The following ETV6 variants were observed in gnomAD, a reference collection of about 807,000 sequenced individuals.
ETV6 encodes the protein transcription factor ETV6.
A neutral mutation model predicts 51.1 loss-of-function variants in ETV6; 16 were observed. The observed-to-expected ratio is 0.31, with a 90% CI of 0.21 to 0.48. The LOEUF (loss-of-function observed/expected upper bound fraction) is 0.48. ETV6 is among the 20% of genes least tolerant of loss of function. ETV6 has a pLI of 0.99. For synonymous variants in ETV6, 240 were observed against 224.1 expected, an observed-to-expected ratio of 1.07 and a Z score of -0.64; for missense variants, 458 against 594.8, an observed-to-expected ratio of 0.77 and a Z score of 2.39.
At chr12:11,820,019 T>C (rs973548934) in intron 2 of ETV6, among the ~76,000 whole-genome samples, 2 of 152,252 alleles carry the variant, frequency 1.3e-5, no homozygotes, top group Non-Finnish European at 2.9e-5. Context: ...CTAACACTTA[T>C]GAAGTTCGCA....
intron 6 of ETV6, 101 bp from the exon 7 acceptor site, chr12:11,885,825 C>T (rs1591750437): frequency 1.2e-6 from 1 of 817,970 alleles, no homozygotes; most frequent in Non-Finnish European, 2.0e-6. Context: ...CAGGCAGCAG[C>T]TGAAGAGCTT....
intron 1 of ETV6, among the ~76,000 whole-genome samples, chr12:11,704,021 A>T (rs549749038): frequency 1.2e-4 from 19 of 152,356 alleles, no homozygotes; most frequent in African/African-American, 4.3e-4. Flanking sequence ...TTTTCAGGTC[A>T]TCCTTCTAGT....
At chr12:11,831,388 G>A (rs1362708793) in intron 2 of ETV6, among the ~76,000 whole-genome samples, 1 of 152,178 alleles carries the variant, frequency 6.6e-6, no homozygotes, top group Non-Finnish European at 1.5e-5. Context: ...ACCATGCCCA[G>A]CTAATTTTTG....
intron 2 of ETV6, among the ~76,000 whole-genome samples, chr12:11,769,939 G>A (rs995692316): frequency 1.3e-5 from 2 of 152,170 alleles, no homozygotes; most frequent in Admixed American, 6.5e-5. Flanking sequence ...CAGGTGGCAC[G>A]GGAGAAGAAT....
At chr12:11,755,216 C>T (rs1011082819) in intron 2 of ETV6, among the ~76,000 whole-genome samples, 3 of 152,180 alleles carry the variant, frequency 2.0e-5, no homozygotes, top group African/African-American at 7.2e-5. Context: ...TGTTGAATGG[C>T]TTGCATATCA....
At chr12:11,770,014 A>T (rs772652261) in intron 2 of ETV6, among the ~76,000 whole-genome samples, 7 of 152,192 alleles carry the variant, frequency 4.6e-5, no homozygotes, top group Admixed American at 6.5e-5. Flanking sequence ...CCGGGGCAAG[A>T]TGACTGACAG....
intron 2 of ETV6, among the ~76,000 whole-genome samples, chr12:11,829,459 C>A (rs1218326804): frequency 5.9e-5 from 9 of 152,116 alleles, no homozygotes; most frequent in African/African-American, 2.2e-4. Flanking sequence ...GTGTTTTAAC[C>A]CAGGACAATT....
chr12:11,871,835 A>G lies in ETV6; in HGVS notation c.1009+1866A>G, dbSNP rs1045154579. On this transcript the variant is annotated intron_variant, in intron 5 of 7. Coordinates refer to ENST00000396373, the MANE Select transcript of ETV6 (RefSeq NM_001987.5). ...TTGATCTCTCTGCTTTTACCTGTAC[A>G]TTAGATTGTTTTAATCAGAAAATGA... Among the ~76,000 whole-genome samples the G allele has an allele frequency of 1.8e-4, 27 of 152,180 alleles. 1 individual carries two copies. The highest frequency in any genetic ancestry group is 5.6e-4 in the African/African-American group (23 of 41,438).
At chr12:11,884,957 C>T (rs1947163120) in intron 6 of ETV6, among the ~76,000 whole-genome samples, 1 of 152,184 alleles carries the variant, frequency 6.6e-6, no homozygotes, top group Admixed American at 6.5e-5. Flanking sequence ...AGTGCCACTA[C>T]TTTTCTGCTC....
At chr12:11,884,861 C>G (rs570816853) in intron 6 of ETV6, among the ~76,000 whole-genome samples, 1 of 152,286 alleles carries the variant, frequency 6.6e-6, no homozygotes, top group Non-Finnish European at 1.5e-5. Flanking sequence ...CTCCCCTTGA[C>G]CTGATCCCGC....
chr12:11,692,349 C>T (rs1171942358), intron 1 of ETV6, among the ~76,000 whole-genome samples: 1 of 152,094 alleles, frequency 6.6e-6, no homozygotes, highest in East Asian at 1.9e-4. Flanking sequence ...GACTCCCTAG[C>T]CTCCATAACT....
chr12:11,723,263 A>G (rs945668078), intron 1 of ETV6, among the ~76,000 whole-genome samples: 15 of 152,294 alleles, frequency 9.8e-5, no homozygotes, highest in African/African-American at 3.6e-4. Flanking sequence ...ACACGGTTAT[A>G]GGCTCTCTGT....
At chr12:11,666,073 A>G (rs1332329482) in intron 1 of ETV6, among the ~76,000 whole-genome samples, 1 of 152,168 alleles carries the variant, frequency 6.6e-6, no homozygotes, top group Non-Finnish European at 1.5e-5. Flanking sequence ...GGTCTTGGCC[A>G]TAGCTGGCTG....
intron 1 of ETV6, among the ~76,000 whole-genome samples, chr12:11,709,677 C>T (rs1270360161): frequency 6.6e-6 from 1 of 152,226 alleles, no homozygotes; most frequent in East Asian, 1.9e-4. Context: ...ATGGATGAGA[C>T]TAATATTTAA....
chr12:11,840,571 A>G, intron 3 of ETV6: 1 of 453,942 alleles, frequency 2.2e-6, no homozygotes, highest in Middle Eastern at 3.3e-4. Flanking sequence ...CCAGAAGTTA[A>G]TAAACTAACC....
intron 5 of ETV6, among the ~76,000 whole-genome samples, chr12:11,876,196 G>A (rs140294981): frequency 2.6e-5 from 4 of 152,264 alleles, no homozygotes; most frequent in Admixed American, 2.0e-4. Context: ...GAATAGTTAC[G>A]ATAATATCAT....
intron 1 of ETV6, among the ~76,000 whole-genome samples, chr12:11,674,982 T>C (rs1864392646): frequency 6.6e-6 from 1 of 152,220 alleles, no homozygotes; most frequent in African/African-American, 2.4e-5. Flanking sequence ...AGGGATTTAA[T>C]GCATCATGGG....
In ETV6 at chr12:11,895,284, A is replaced by G; in HGVS notation, c.*4238A>G. The stretch of plus-strand genomic sequence containing the variant: ...GGGACTGAATCAAATGAATGTAACA[A>G]AAAAGAAAAAAAAAACAAAAAAAAA... On this transcript the variant is annotated 3_prime_UTR_variant, in exon 8 of 8. Coordinates refer to ENST00000396373, the MANE Select transcript of ETV6 (RefSeq NM_001987.5). The G allele has an allele frequency of 4.5e-6, 1 of 220,828 alleles. No individual in the cohort carries two copies. The highest frequency in any genetic ancestry group is 2.3e-5 in the African/African-American group (1 of 44,402). The allele number at this position is 220,828 out of a possible 1,614,324, so 13.7% of individuals were successfully genotyped here. A position where few individuals can be genotyped will look rare whatever the true frequency, so the allele number is the denominator to read the frequency against.
At chr12:11,854,211 G>C (rs1308030887) in intron 4 of ETV6, among the ~76,000 whole-genome samples, 1 of 151,934 alleles carries the variant, frequency 6.6e-6, no homozygotes, top group South Asian at 2.1e-4. Flanking sequence ...GATAGCGTTT[G>C]TGCTTCTATG....
Sources: gnomAD v4.1 joint callset for allele counts (sites outside exome capture counted in the v4.1 genomes callset) on GRCh38, gnomAD v4.1.1 for gene constraint, MANE v1.5 for transcripts, NCBI Gene and HGNC (gene_info 2026-07-23, HGNC 2026-07-21) for gene names.